The following UGT2B10 variants were observed in gnomAD, a reference collection of about 807,000 sequenced individuals.
The protein encoded by UGT2B10 is UDP-glucuronosyltransferase 2B10.
In UGT2B10, 51 loss-of-function variants were observed where a neutral mutation model predicts 43.7. The observed-to-expected ratio is 1.17, with a 90% CI of 0.93 to 1.47. UGT2B10 has a LOEUF of 1.47. Ranked by LOEUF, UGT2B10 falls within the 40% of genes most tolerant of loss-of-function variation. The pLI is 0.00. For missense variants in UGT2B10, 696 were observed against 617.7 expected, an observed-to-expected ratio of 1.13 and a Z score of -1.34; for synonymous variants, 225 against 209.0, an observed-to-expected ratio of 1.08 and a Z score of -0.66.
At chr4:68,816,785 C>A (rs1553890484) in intron 1 of UGT2B10, 48 bp downstream of exon 1, 6 of 1,438,778 alleles carry the variant, frequency 4.2e-6, no homozygotes, top group Non-Finnish European at 4.7e-6. Flanking sequence ...TTATTTGTGT[C>A]TTTGAAGCAC....
Position 68,827,529 on chromosome 4 carries a change from A to T in UGT2B10, c.1288A>T (p.Thr430Ser). ...TACAGACCTGCTGAATGCACTGAAG[A>T]CAGTAATTAATGATCCTTCGTGAGT... Reference protein sequence around the residue: ...SSTDLLNALKTVINDPSYKEN... With the variant: ...SSTDLLNALKSVINDPSYKEN... The change falls in exon 5 of 6, where the codon ACA (threonine) becomes TCA (serine). Residue 430 changes from threonine (T) to serine (S), a missense_variant. Coordinates refer to ENST00000265403, the MANE Select transcript of UGT2B10 (RefSeq NM_001075.6). 6 of 1,613,332 alleles carry T rather than the reference A, an allele frequency of 3.7e-6. No individual in the cohort carries two copies. Among genetic ancestry groups the T allele is most frequent in the Non-Finnish European group, 5.1e-6 (6 of 1,179,444 alleles).
rs782408238 is a variant in UGT2B10 at position 68,822,263 on chromosome 4, T to C, written c.868-8T>C. ...TTTATGATGAAACATTTTTTCTTTT[T>C]CCCACAGGAAATGGAGGAGTTTGTA... On this transcript the variant is annotated splice_polypyrimidine_tract_variant and splice_region_variant and intron_variant, in intron 2 of 5. Transcript: ENST00000265403. 6.2e-6 allele frequency: 10 copies of C among 1,609,188 alleles called. No homozygotes were observed. The highest frequency in any genetic ancestry group is 1.1e-5 in the South Asian group (1 of 90,290).
intron 5 of UGT2B10, among the ~76,000 whole-genome samples, chr4:68,828,720 A>C (rs1266732505): frequency 5.9e-5 from 9 of 152,036 alleles, no homozygotes; most frequent in Admixed American, 5.9e-4. Context: ...TATACAATAC[A>C]CATATATGTA....
chr4:68,817,948 C>G, intron 1 of UGT2B10, 81 bp from the exon 2 acceptor site: 1 of 1,511,998 alleles, frequency 6.6e-7, no homozygotes, highest in Non-Finnish European at 8.8e-7. Flanking sequence ...TTTTTGCCTG[C>G]ATTATTCTAA....
chr4:68,822,295 T>C lies in UGT2B10; in HGVS notation c.892T>C (p.Ser298Pro). The C allele has an allele frequency of 6.2e-7, 1 of 1,612,994 alleles. No individual in the cohort carries two copies. The highest frequency in any genetic ancestry group is 8.5e-7 in the Non-Finnish European group (1 of 1,179,774). Residue 298 changes from serine to proline, a missense_variant, in exon 3 of 6, where the codon TCT (serine) becomes CCT (proline). By Grantham distance (74) the Ser-to-Pro change is moderately conservative. Coordinates refer to ENST00000265403, the MANE Select transcript of UGT2B10 (RefSeq NM_001075.6). ...PKEMEEFVQS[S>P]GENGVVVFSL... ...GGAAATGGAGGAGTTTGTACAGAGC[T>C]CTGGAGAAAATGGTGTTGTGGTGTT...
At position 68,816,224 on chromosome 4, in the gene UGT2B10, T is replaced by A; in HGVS notation, c.205T>A (p.Ser69Thr). Residue 69 changes from serine (S) to threonine (T), a missense_variant, in exon 1 of 6, where the codon TCC becomes ACC. Coordinates refer to ENST00000265403, the MANE Select transcript of UGT2B10 (RefSeq NM_001075.6). Reference sequence around the variant, plus strand: ...CATTCTTTTTGATCCCAACGACTCATCCACTCTTAAACTTGAAGTTTATCC... The same window carrying A: ...CATTCTTTTTGATCCCAACGACTCAACCACTCTTAAACTTGAAGTTTATCC... ...ASILFDPNDS[S>T]TLKLEVYPTS... is the part of the protein sequence containing the mutation. 6.2e-7 allele frequency: 1 copy of A among 1,613,284 alleles called. No homozygotes were observed.
rs760761448 is a variant in UGT2B10 at position 68,818,127 on chromosome 4, G to C, written c.817G>C (p.Val273Leu). Residue 273 changes from valine (V) to leucine (L), a missense_variant, in exon 2 of 6, where the codon GTT becomes CTT. Transcript: ENST00000265403. ...FKFPHPFLPN[V>L]DFVGGLHCKP... ...ATTTCCTCATCCATTCTTACCAAAT[G>C]TTGATTTTGTTGGAGGACTCCACTG... is the stretch of plus-strand genomic sequence containing the variant. 1 of 1,611,698 alleles carries C rather than the reference G, an allele frequency of 6.2e-7. No homozygotes were observed. The highest frequency in any genetic ancestry group is 1.7e-5 in the Admixed American group (1 of 59,838).
At chr4:68,826,723 G>C (rs984427188) in intron 4 of UGT2B10, among the ~76,000 whole-genome samples, 1 of 151,984 alleles carries the variant, frequency 6.6e-6, no homozygotes, top group Admixed American at 6.6e-5. Flanking sequence ...CTTTATTTCA[G>C]GTGCTATTAT....
chr4:68,821,038 C>A (rs920536551), intron 2 of UGT2B10, among the ~76,000 whole-genome samples: 2 of 152,078 alleles, frequency 1.3e-5, no homozygotes, highest in Non-Finnish European at 2.9e-5. Context: ...TGCAATCACA[C>A]ACAATACCTA....
rs1257272058 is a variant in UGT2B10 at position 68,830,843 on chromosome 4, G to A, written c.1551G>A (p.Lys517=). 6.2e-7 allele frequency: 1 copy of A among 1,612,858 alleles called. No individual in the cohort carries two copies. Among genetic ancestry groups the A allele is most frequent in the African/African-American group, 1.3e-5 (1 of 74,802 alleles). The stretch of plus-strand genomic sequence containing the variant: ...AGTGTTGTCTGTTTTGTTTCTGGAA[G>A]TTTGCTAGAAAAGGAAAGAAGGGAA... The part of the protein sequence containing the change: ...ITKCCLFCFW[K]FARKGKKGKR... The change falls in exon 6 of 6, where the codon AAG becomes AAA. Residue 517 remains lysine, a synonymous_variant. Coordinates refer to ENST00000265403, the MANE Select transcript of UGT2B10 (RefSeq NM_001075.6).
Position 68,830,489 on chromosome 4 carries a change from C to A in UGT2B10, c.1308-111C>A, listed in dbSNP as rs1157557499. 8.5e-6 allele frequency: 11 copies of A among 1,296,832 alleles called. No individual in the cohort carries two copies. In the East Asian group the frequency reaches 1.6e-4, roughly 19 times the overall value. The allele number at this position is 1,296,832 out of a possible 1,614,324, so 80.3% of individuals were successfully genotyped here. A position where few individuals can be genotyped will look rare whatever the true frequency, so the allele number is the denominator to read the frequency against. Reference sequence around the variant, plus strand: ...AAAATACATAAATTCTATATCAATTCTTTGACATTTACTTTGAATTATTTG... The same window carrying A: ...AAAATACATAAATTCTATATCAATTATTTGACATTTACTTTGAATTATTTG... On this transcript the variant is annotated intron_variant, in intron 5 of 5. Transcript: ENST00000265403.
rs372564006 is a variant in UGT2B10, at chr4:68,818,221, C to A, written c.867+44C>A. 61 of 1,601,614 alleles carry A rather than the reference C, an allele frequency of 3.8e-5. No homozygotes were observed. The African/African-American group carries it at 7.3e-4, about 19-fold the overall frequency. ...GTTTTATTTTGTTGGCTTCAAATTT[C>A]AGTAGAAATGACTGTATAGTCTTCA... On this transcript the variant is annotated intron_variant, in intron 2 of 5. Coordinates refer to ENST00000265403, the MANE Select transcript of UGT2B10 (RefSeq NM_001075.6).
intron 5 of UGT2B10, 47 bp from the exon 6 acceptor site, chr4:68,830,553 C>T (rs529432348): frequency 6.4e-7 from 1 of 1,561,162 alleles, no homozygotes; most frequent in Non-Finnish European, 8.6e-7. Context: ...TATCTACAGG[C>T]AAATTAACTT....
intron 3 of UGT2B10, among the ~76,000 whole-genome samples, chr4:68,823,462 A>G (rs1020585784): frequency 3.9e-4 from 59 of 152,238 alleles, no homozygotes; most frequent in South Asian, 2.7e-3. Context: ...AGGCAAGATC[A>G]CAACATTGCA....
intron 1 of UGT2B10, 81 bp downstream of exon 1, chr4:68,816,818 C>G: frequency 8.3e-7 from 1 of 1,197,618 alleles, no homozygotes; most frequent in Non-Finnish European, 1.2e-6. Context: ...GCCATAAAGT[C>G]AGGGAAGTGG....
In UGT2B10 at chr4:68,827,207, T is replaced by C. The variant is rs569867887; in HGVS notation, c.1088-122T>C. 5.3e-5 allele frequency: 80 copies of C among 1,512,936 alleles called. No individual in the cohort carries two copies. The African/African-American group carries it at 1.1e-3, about 20-fold the overall frequency. 93.7% of individuals were successfully genotyped at this position (1,512,936 alleles called of 1,614,324 possible). The stretch of plus-strand genomic sequence containing the variant: ...AGTACCTGTTTTTTCCTCTGAAATC[T>C]GAAAAGTAATAGCAAATTAGTTCAG... On this transcript the variant is annotated intron_variant, in intron 4 of 5. Transcript: ENST00000265403.
chr4:68,826,304 T>C (rs1396566654), intron 3 of UGT2B10, 106 bp from the exon 4 acceptor site: 3 of 1,254,534 alleles, frequency 2.4e-6, no homozygotes, highest in South Asian at 2.8e-5. Flanking sequence ...TGAGTAGATT[T>C]ATTTACTAAC....
intron 4 of UGT2B10, among the ~76,000 whole-genome samples, 153 bp downstream of exon 4, chr4:68,826,650 G>C (rs1737796964): frequency 6.6e-6 from 1 of 152,160 alleles, no homozygotes. Context: ...AAAAGAATAT[G>C]TTATAATTGT....
In UGT2B10 at chr4:68,827,467, G is replaced by T; in HGVS notation, c.1226G>T (p.Gly409Val). ...AATATTGCTCACATGAAGGCCAAGG[G>T]AGCAGCTGTTAGAGTGGACTTCAAC... ...PDNIAHMKAK[G>V]AAVRVDFNTM... The change falls in exon 5 of 6, where the codon GGA (glycine) becomes GTA (valine). Residue 409 changes from glycine to valine, a missense_variant. Transcript: ENST00000265403. 6.2e-7 allele frequency: 1 copy of T among 1,613,494 alleles called. No homozygotes were observed. Among genetic ancestry groups the T allele is most frequent in the Admixed American group, 1.7e-5 (1 of 59,950 alleles).
Sources: gnomAD v4.1 joint callset for allele counts (sites outside exome capture counted in the v4.1 genomes callset) on GRCh38, gnomAD v4.1.1 for gene constraint, MANE v1.5 for transcripts, NCBI Gene and HGNC (gene_info 2026-07-23, HGNC 2026-07-21) for gene names.